LIMCH1: variants seen among roughly 807,000 people sequenced by gnomAD.
LIMCH1 encodes LIM and calponin homology domains-containing protein 1.
Under a neutral mutation model 176.5 loss-of-function variants are expected in LIMCH1, and 113 were observed. The ratio of observed to expected loss-of-function variants is 0.64; its 90% CI spans 0.55 to 0.75. The LOEUF is 0.75. Ranked by LOEUF, LIMCH1 falls within the 30% of genes least tolerant of loss-of-function variation. LIMCH1 has a pLI of 0.00. For synonymous variants in LIMCH1, 619 were observed against 645.9 expected (o/e 0.96, Z 0.63); for missense variants, 1,674 against 1,814.9 (o/e 0.92, Z 1.41).
chr4:41,458,105 T>A (rs1410345415), intron 1 of LIMCH1, among the ~76,000 whole-genome samples: 1 of 152,156 alleles, frequency 6.6e-6, no homozygotes, highest in Non-Finnish European at 1.5e-5. Flanking sequence ...ATGTAATTAT[T>A]ATGCATCGTA....
At chr4:41,518,291 T>C (rs2075789946) in intron 2 of LIMCH1, among the ~76,000 whole-genome samples, 2 of 152,220 alleles carry the variant, frequency 1.3e-5, no homozygotes, top group African/African-American at 4.8e-5. Flanking sequence ...CTATTCTTAG[T>C]GCTGTGCTCC....
rs1490409618 is a variant in LIMCH1, at chr4:41,670,680, A to C, written c.3398-874A>C. 6 of 1,469,388 alleles carry C rather than the reference A, an allele frequency of 4.1e-6. No individual in the cohort carries two copies. In the East Asian group the frequency reaches 7.4e-5, roughly 18 times the overall value. 91.0% of individuals were successfully genotyped at this position (1,469,388 alleles called of 1,614,324 possible). A position where few individuals can be genotyped will look rare whatever the true frequency, so the allele number is the denominator to read the frequency against. Reference sequence around the variant, plus strand: ...CTATTCAGTTCTCACCCCAGTTTTCATGGTTTTCTGTTTGTTCTGTTCTGC... The same window carrying C: ...CTATTCAGTTCTCACCCCAGTTTTCCTGGTTTTCTGTTTGTTCTGTTCTGC... On this transcript the variant is annotated intron_variant, in intron 21 of 31. Coordinates refer to ENST00000503057, the MANE Select transcript of LIMCH1 (RefSeq NM_001330672.2).
chr4:41,384,605 G>A (rs901918080), intron 1 of LIMCH1, among the ~76,000 whole-genome samples: 3 of 152,158 alleles, frequency 2.0e-5, no homozygotes, highest in African/African-American at 4.8e-5. Context: ...TTAAGTTGAT[G>A]CAACATTTTT....
rs1014625211 is a variant in LIMCH1, at chr4:41,697,939, G to C, written c.*754G>C. The stretch of plus-strand genomic sequence containing the variant: ...CCCAAAGGTAGGAAGAAAGCAGAGG[G>C]AAATATTTCAGTCATCATTTCCAAA... On this transcript the variant is annotated 3_prime_UTR_variant, in exon 32 of 32. Transcript: ENST00000503057. The C allele has an allele frequency of 6.6e-6, 1 of 152,116 alleles. No homozygotes were observed. Among genetic ancestry groups the C allele is most frequent in the Non-Finnish European group, 1.5e-5 (1 of 68,014 alleles). 9.4% of individuals were successfully genotyped at this position (152,116 alleles called of 1,614,324 possible). A position where few individuals can be genotyped will look rare whatever the true frequency, so the allele number is the denominator to read the frequency against.
In LIMCH1 at chr4:41,419,658, TTCCTTCCTTCCTTCCTTCCTTCC is replaced by T. The variant is rs1561311610; in HGVS notation, c.96+58747_96+58769del. On this transcript the variant is annotated intron_variant, in intron 1 of 26. Transcript: ENST00000313860. ...TCCTCCTTCCTTTCTTCCTCCTTCCTTCCTTCCTTCCTTCCTTCCTTCCTCCTTCCTTCCTTCCTTCCTTCCTT... is the reference window on the plus strand; with the variant it reads ...TCCTCCTTCCTTTCTTCCTCCTTCCTTCCTTCCTTCCTTCCTTCCTTCCTT... Among the ~76,000 whole-genome samples the T allele has an allele frequency of 1.6e-4, 13 of 80,688 alleles. 1 individual carries two copies. Among genetic ancestry groups the T allele is most frequent in the African/African-American group, 8.7e-4 (12 of 13,732 alleles). 52.9% of individuals were successfully genotyped at this position (80,688 alleles called of 152,430 possible). A position where few individuals can be genotyped will look rare whatever the true frequency, so the allele number is the denominator to read the frequency against.
intron 1 of LIMCH1, among the ~76,000 whole-genome samples, chr4:41,432,759 C>T (rs1045015226): frequency 6.6e-6 from 1 of 152,146 alleles, no homozygotes; most frequent in Admixed American, 6.5e-5. Flanking sequence ...TGGCAACGAT[C>T]CTTCCTGTTT....
rs2152823340 is a variant in LIMCH1, at chr4:41,620,504, G to T, written c.539G>T (p.Gly180Val). Reference sequence around the variant, plus strand: ...AACCCAGCTGGCCAAATGAATCCTGGTTGGAAGCCTTCCGATGGTGGGTGT... The same window carrying T: ...AACCCAGCTGGCCAAATGAATCCTGTTTGGAAGCCTTCCGATGGTGGGTGT... ...EDNPAGQMNP[G>V]WKPSDGGCEL... The change falls in exon 7 of 32, where the codon GGT becomes GTT. Residue 180 changes from glycine to valine, a missense_variant. Physicochemically the swap from Gly to Val is moderately radical, Grantham distance 109. Transcript: ENST00000503057. 1 of 1,536,380 alleles carries T rather than the reference G, an allele frequency of 6.5e-7. No homozygotes were observed. The highest frequency in any genetic ancestry group is 1.2e-5 in the South Asian group (1 of 84,060).
intron 1 of LIMCH1, among the ~76,000 whole-genome samples, chr4:41,544,432 C>T (rs73144501): frequency 0.023 from 3,501 of 152,152 alleles, 115 homozygotes; most frequent in African/African-American, 0.074. Context: ...ATGTAGCTGT[C>T]GTCTATTTTC....
At chr4:41,610,039 G>T (rs1397721326) in intron 4 of LIMCH1, among the ~76,000 whole-genome samples, 1 of 152,196 alleles carries the variant, frequency 6.6e-6, no homozygotes, top group African/African-American at 2.4e-5. Flanking sequence ...GGTTTTCACT[G>T]TTCAAACTGG....
intron 1 of LIMCH1, among the ~76,000 whole-genome samples, chr4:41,581,100 A>ATCTGTCTG (rs754039100): frequency 4.8e-5 from 7 of 144,688 alleles, no homozygotes; most frequent in African/African-American, 1.8e-4. Context: ...CTGTCCATTC[A>ATCTGTCTG]TCTGTCTGTC....
chr4:41,694,848 C>A (rs1474107559), intron 31 of LIMCH1, among the ~76,000 whole-genome samples: 1 of 151,974 alleles, frequency 6.6e-6, no homozygotes, highest in Admixed American at 6.6e-5. Flanking sequence ...GTGCACTCTC[C>A]CTGCAAAATG....
At chr4:41,634,250 T>G (rs566845209) in intron 13 of LIMCH1, among the ~76,000 whole-genome samples, 1 of 152,360 alleles carries the variant, frequency 6.6e-6, no homozygotes, top group East Asian at 1.9e-4. Flanking sequence ...TGCTCTGACT[T>G]GACTTAGAGT....
chr4:41,406,228 A>G (rs2058948299), intron 1 of LIMCH1, among the ~76,000 whole-genome samples: 1 of 152,250 alleles, frequency 6.6e-6, no homozygotes, highest in African/African-American at 2.4e-5. Flanking sequence ...AAGCCACTTT[A>G]TAGACCTGTT....
intron 1 of LIMCH1, among the ~76,000 whole-genome samples, chr4:41,422,142 C>G (rs777902172): frequency 3.9e-5 from 6 of 152,140 alleles, no homozygotes; most frequent in Non-Finnish European, 7.3e-5. Flanking sequence ...AGAGACTTTT[C>G]TCAATGGTGC....
chr4:41,625,280 A>C (rs184719921), intron 7 of LIMCH1, among the ~76,000 whole-genome samples: 2 of 152,328 alleles, frequency 1.3e-5, no homozygotes, highest in African/African-American at 4.8e-5. Context: ...AGTTGTAGTT[A>C]TTGAAAAATA....
At chr4:41,602,747 G>T (rs1483887658) in intron 2 of LIMCH1, among the ~76,000 whole-genome samples, 6 of 151,914 alleles carry the variant, frequency 3.9e-5, no homozygotes, top group Non-Finnish European at 8.8e-5. Context: ...GGTGTAGGTT[G>T]CAGTGAAACA....
rs934674920 is a variant in LIMCH1, at chr4:41,360,817, T to G, written c.-24T>G. 17 of 1,515,282 alleles carry G rather than the reference T, an allele frequency of 1.1e-5. No individual in the cohort carries two copies. Among genetic ancestry groups the G allele is most frequent in the Non-Finnish European group, 1.5e-5 (17 of 1,130,798 alleles). 93.9% of individuals were successfully genotyped at this position (1,515,282 alleles called of 1,614,324 possible). A position where few individuals can be genotyped will look rare whatever the true frequency, so the allele number is the denominator to read the frequency against. On this transcript the variant is annotated 5_prime_UTR_variant, in exon 1 of 27. Transcript: ENST00000313860. This position sits in a 1 kb window ranked among gnomAD's most constrained non-coding sequence, Gnocchi z 4.5. The stretch of plus-strand genomic sequence containing the variant: ...GCGGCGGCCGTCCTCATCCCGGCGC[T>G]TGAGAGGACGCGGGGCTGCGCAAAT...
intron 1 of LIMCH1, among the ~76,000 whole-genome samples, chr4:41,384,338 G>C (rs1191004679): frequency 6.6e-6 from 1 of 151,820 alleles, no homozygotes; most frequent in Non-Finnish European, 1.5e-5. Flanking sequence ...CCTAGTAACT[G>C]GGACTACAGG....
At chr4:41,360,283 A>G (rs903301542), upstream of LIMCH1, among the ~76,000 whole-genome samples, 6 of 149,882 alleles carry the variant, frequency 4.0e-5, no homozygotes, top group Non-Finnish European at 7.4e-5. The surrounding 1 kb of genome is among the most constrained non-coding windows in gnomAD (Gnocchi z 4.5). Context: ...CTCTGCGGCC[A>G]GGAAGGACTG....
Sources: allele counts gnomAD v4.1 joint callset (sites outside exome capture counted in the v4.1 genomes callset), GRCh38; gene constraint gnomAD v4.1.1; non-coding constraint Gnocchi (gnomAD v3.1); transcripts MANE v1.5; gene names NCBI Gene and HGNC (gene_info 2026-07-23, HGNC 2026-07-21).